NT5E: variants seen among roughly 807,000 people sequenced by gnomAD.
NT5E encodes 5'-nucleotidase ecto.
NT5E carries 53 observed loss-of-function variants against 55.1 expected under a neutral mutation model. The observed-to-expected ratio is 0.96, with a 90% confidence interval of 0.77 to 1.21. The LOEUF is 1.21. Among genes scored for constraint, NT5E ranks in the 50% most tolerant of loss-of-function variants. The probability of loss-of-function intolerance (pLI) is 0.00; values close to 1 mark genes in which losing one functional copy is unlikely to be tolerated. For missense variants in NT5E, 683 were observed against 724.3 expected (o/e 0.94, Z 0.65); for synonymous variants, 270 against 278.4 (o/e 0.97, Z 0.30).
intron 7 of NT5E, 83 bp downstream of exon 7, chr6:85,490,740 A>T: frequency 1.3e-6 from 2 of 1,509,004 alleles, no homozygotes; most frequent in Non-Finnish European, 1.8e-6. Flanking sequence ...CCTTCACCAA[A>T]ATTCCTGTGG....
chr6:85,459,887 G>A (rs1021965843), intron 1 of NT5E, among the ~76,000 whole-genome samples: 1 of 152,178 alleles, frequency 6.6e-6, no homozygotes, highest in Non-Finnish European at 1.5e-5. Context: ...AAAGAATGAA[G>A]ATATTCTGAA....
chr6:85,456,505 T>C (rs113715386), intron 1 of NT5E, among the ~76,000 whole-genome samples: 1 of 152,112 alleles, frequency 6.6e-6, no homozygotes, highest in Non-Finnish European at 1.5e-5. Context: ...TAAGTCCAGG[T>C]AGAGAATGTC....
chr6:85,450,334 C>A lies in NT5E; in HGVS notation c.195C>A (p.Phe65Leu). The part of the protein sequence containing the change: ...SRCMGGVARL[F>L]TKVQQIRRAE... The stretch of plus-strand genomic sequence containing the variant: ...GCATGGGTGGCGTGGCTCGGCTCTT[C>A]ACCAAGGTTCAGCAGATCCGCCGCG... Residue 65 changes from phenylalanine to leucine, a missense_variant, in exon 1 of 9, where the codon TTC (phenylalanine) becomes TTA (leucine). By Grantham distance (22) the Phe-to-Leu change is conservative. Coordinates refer to ENST00000257770, the MANE Select transcript of NT5E (RefSeq NM_002526.4). The surrounding 1 kb of genome is among the most constrained non-coding windows in gnomAD (Gnocchi z 4.0). The A allele has an allele frequency of 6.3e-7, 1 of 1,597,236 alleles. No individual in the cohort carries two copies. The highest frequency in any genetic ancestry group is 2.3e-5 in the East Asian group (1 of 44,210).
chr6:85,456,897 A>G (rs1769002057), intron 1 of NT5E, among the ~76,000 whole-genome samples: 1 of 152,160 alleles, frequency 6.6e-6, no homozygotes. Context: ...CTCCATTTCC[A>G]CATGTGTGAG....
intron 1 of NT5E, among the ~76,000 whole-genome samples, chr6:85,452,854 G>A (rs549273131): frequency 6.6e-6 from 1 of 152,280 alleles, no homozygotes; most frequent in South Asian, 2.1e-4. Flanking sequence ...CTAGGACACT[G>A]GGGATTCAAA....
chr6:85,466,494 G>T (rs1466784176), intron 1 of NT5E, among the ~76,000 whole-genome samples: 1 of 152,174 alleles, frequency 6.6e-6, no homozygotes, highest in Non-Finnish European at 1.5e-5. Context: ...GCTCCTGCCT[G>T]CTATTGAGGA....
intron 2 of NT5E, 89 bp from the exon 3 acceptor site, chr6:85,471,148 G>T: frequency 2.4e-6 from 2 of 835,584 alleles, no homozygotes; most frequent in South Asian, 4.0e-5. Context: ...AGTAAATTAA[G>T]GTGTTTAACC....
intron 1 of NT5E, among the ~76,000 whole-genome samples, chr6:85,457,040 T>C (rs905740713): frequency 6.6e-6 from 1 of 152,108 alleles, no homozygotes; most frequent in African/African-American, 2.4e-5. Flanking sequence ...CAGGGGTGGC[T>C]CAGGAGAGGG....
intron 3 of NT5E, among the ~76,000 whole-genome samples, chr6:85,483,301 C>T (rs1187715501): frequency 6.6e-6 from 1 of 152,216 alleles, no homozygotes; most frequent in East Asian, 1.9e-4. Context: ...ACTGCACCGC[C>T]CCAGCATCTA....
At position 85,487,360 on chromosome 6, in the gene NT5E, C is replaced by T; in HGVS notation, c.975C>T (p.Asn325=). Residue 325 remains asparagine, a synonymous_variant, in exon 5 of 9, where the codon AAC becomes AAT. Transcript: ENST00000257770. ...PEDPSIKADI[N]KWRIKLDNYS... is the part of the protein sequence containing the mutation. ...ATCCAAGCATAAAAGCAGACATTAACAAATGGAGGATAAAATTGGATAATT... is the reference window on the plus strand; with the variant it reads ...ATCCAAGCATAAAAGCAGACATTAATAAATGGAGGATAAAATTGGATAATT... 6.2e-7 allele frequency: 1 copy of T among 1,613,528 alleles called. No individual in the cohort carries two copies. Among genetic ancestry groups the T allele is most frequent in the Non-Finnish European group, 8.5e-7 (1 of 1,179,496 alleles).
In NT5E at chr6:85,474,766, C is replaced by CA. The variant is rs1253672767; in HGVS notation, c.751+3349dup. 6.6e-5 allele frequency among the ~76,000 whole-genome samples: 10 copies of CA among 152,010 alleles called. No individual in the cohort carries two copies. The South Asian group carries it at 1.5e-3, about 22-fold the overall frequency. On this transcript the variant is annotated intron_variant, in intron 3 of 8. Transcript: ENST00000257770. ...CAAGATAGGGAGACCCCCATATCTA[C>CA]AAAAAAAATTTTTAAAAATTAGCCA... is the stretch of plus-strand genomic sequence containing the variant.
At chr6:85,490,389 T>C (rs1769757022) in intron 6 of NT5E, 119 bp from the exon 7 acceptor site, 1 of 1,153,380 alleles carries the variant, frequency 8.7e-7, no homozygotes, top group Non-Finnish European at 1.3e-6. Flanking sequence ...TAGCTAATGA[T>C]GCTCTATAAG....
rs1323983848 is a variant in NT5E, at chr6:85,485,328, C to T, written c.845C>T (p.Ala282Val). 25 of 1,614,020 alleles carry T rather than the reference C, an allele frequency of 1.5e-5. No homozygotes were observed. Among genetic ancestry groups the T allele is most frequent in the Non-Finnish European group, 2.0e-5 (24 of 1,180,002 alleles). ...AAGGTTCCTGTAGTCCAGGCCTATG[C>T]TTTTGGCAAATACCTAGGCTATCTG... ...GRKVPVVQAY[A>V]FGKYLGYLKI... Residue 282 changes from alanine (A) to valine (V), a missense_variant, in exon 4 of 9, where the codon GCT becomes GTT. Ala to Val is a moderately conservative substitution (Grantham distance 64). Transcript: ENST00000257770.
In NT5E at chr6:85,450,492, C is replaced by T; in HGVS notation, c.339+14C>T. 6.4e-7 allele frequency: 1 copy of T among 1,573,406 alleles called. No individual in the cohort carries two copies. The highest frequency in any genetic ancestry group is 8.6e-7 in the Non-Finnish European group (1 of 1,159,464). On this transcript the variant is annotated intron_variant, in intron 1 of 8. Coordinates refer to ENST00000257770, the MANE Select transcript of NT5E (RefSeq NM_002526.4). The surrounding 1 kb of genome is among the most constrained non-coding windows in gnomAD (Gnocchi z 4.0). ...TACGATGCCATGGTAAGACCCGAGC[C>T]CGCGCCCGGGATAGTAGTCCCGGAC...
intron 1 of NT5E, among the ~76,000 whole-genome samples, chr6:85,456,643 G>A (rs1205046243): frequency 6.6e-6 from 1 of 152,178 alleles, no homozygotes; most frequent in Non-Finnish European, 1.5e-5. Flanking sequence ...AGAAAAGGGT[G>A]GGAGGGAGAA....
intron 2 of NT5E, among the ~76,000 whole-genome samples, chr6:85,470,443 TTATTTATA>T (rs991335821): frequency 2.6e-5 from 4 of 152,192 alleles, no homozygotes; most frequent in African/African-American, 9.7e-5. Context: ...AATGCTGGCA[TTATTTATA>T]TATTTATATA....
At chr6:85,478,816 G>T (rs1769486639) in intron 3 of NT5E, among the ~76,000 whole-genome samples, 1 of 151,672 alleles carries the variant, frequency 6.6e-6, no homozygotes, top group Admixed American at 6.6e-5. Flanking sequence ...TTCTGCTCAT[G>T]TATTATCTCT....
intron 3 of NT5E, among the ~76,000 whole-genome samples, chr6:85,472,318 A>T (rs566986857): frequency 1.1e-4 from 16 of 152,348 alleles, no homozygotes; most frequent in Admixed American, 2.0e-4. Context: ...AGCGAAACTC[A>T]AAATACCCCA....
intron 3 of NT5E, among the ~76,000 whole-genome samples, chr6:85,482,371 G>A (rs1448848113): frequency 6.6e-6 from 1 of 151,112 alleles, no homozygotes; most frequent in Non-Finnish European, 1.5e-5. Context: ...AGAAAAAAGA[G>A]GAAGGAAGGA....
Sources: allele counts gnomAD v4.1 joint callset (sites outside exome capture counted in the v4.1 genomes callset), GRCh38; gene constraint gnomAD v4.1.1; non-coding constraint Gnocchi (gnomAD v3.1); transcripts MANE v1.5; gene names NCBI Gene and HGNC (gene_info 2026-07-23, HGNC 2026-07-21).